LUZP2: variants seen among roughly 807,000 people sequenced by gnomAD.
LUZP2 encodes leucine zipper protein 2.
Under a neutral mutation model 51.6 loss-of-function variants are expected in LUZP2, and 52 were observed. That is an observed-to-expected ratio of 1.01 (90% CI 0.81 to 1.27). The LOEUF is 1.27. Among genes scored for constraint, LUZP2 ranks in the 50% most tolerant of loss-of-function variants. The probability of loss-of-function intolerance (pLI) is 0.00; values close to 1 mark genes in which losing one functional copy is unlikely to be tolerated. For missense variants in LUZP2, 436 were observed against 395.4 expected (o/e 1.10, Z -0.87); for synonymous variants, 154 against 137.3 (o/e 1.12, Z -0.85).
At chr11:24,923,309 G>A (rs1017847345) in intron 7 of LUZP2, among the ~76,000 whole-genome samples, 2 of 151,748 alleles carry the variant, frequency 1.3e-5, no homozygotes, top group African/African-American at 4.8e-5. Context: ...CAAAATCTTC[G>A]GTCCCCAAAC....
chr11:24,842,922 A>C (rs72872425), intron 5 of LUZP2, among the ~76,000 whole-genome samples: 5,353 of 151,990 alleles, frequency 0.035, 140 homozygotes, highest in Admixed American at 0.056. Flanking sequence ...TAGAGAAAAA[A>C]ATAAATTGTT....
intron 5 of LUZP2, among the ~76,000 whole-genome samples, chr11:24,816,553 C>A (rs1164925472): frequency 3.3e-5 from 5 of 151,836 alleles, no homozygotes; most frequent in Admixed American, 2.0e-4. Flanking sequence ...TAATATATAA[C>A]CTTGACCCAG....
chr11:25,028,088 A>G (rs910995577), intron 9 of LUZP2, among the ~76,000 whole-genome samples: 1 of 152,110 alleles, frequency 6.6e-6, no homozygotes, highest in African/African-American at 2.4e-5. Flanking sequence ...GGGTACTAGT[A>G]GGTGTGTATA....
At chr11:24,680,417 C>T (rs758124114) in intron 1 of LUZP2, among the ~76,000 whole-genome samples, 2 of 152,178 alleles carry the variant, frequency 1.3e-5, no homozygotes, top group South Asian at 2.1e-4. Flanking sequence ...TGTGCTTCCT[C>T]AGTGGGAAGG....
At chr11:24,714,239 C>A (rs1024145474) in intron 1 of LUZP2, among the ~76,000 whole-genome samples, 19 of 151,938 alleles carry the variant, frequency 1.3e-4, no homozygotes, top group African/African-American at 4.6e-4. Flanking sequence ...CAGCAAACCA[C>A]CATGGCACAC....
At chr11:24,525,671 T>G (rs2133811189) in intron 1 of LUZP2, among the ~76,000 whole-genome samples, 1 of 151,526 alleles carries the variant, frequency 6.6e-6, no homozygotes, top group African/African-American at 2.4e-5. Context: ...ACAATTAGAA[T>G]AAGATTTTCA....
At position 24,696,895 on chromosome 11, in the gene LUZP2, A is replaced by G. The variant is rs150925350; in HGVS notation, c.63-32274A>G. ...TACTGTTATCTAAAATACATGAGAG[A>G]ACTAGCTATGCATGGATGAAGAAAA... On this transcript the variant is annotated intron_variant, in intron 1 of 11. Coordinates refer to ENST00000336930, the MANE Select transcript of LUZP2 (RefSeq NM_001009909.4). Among the ~76,000 whole-genome samples, 100 of 152,224 alleles carry G rather than the reference A, an allele frequency of 6.6e-4. 2 individuals are homozygous for G. The South Asian group carries it at 0.013, about 20-fold the overall frequency.
intron 1 of LUZP2, among the ~76,000 whole-genome samples, chr11:24,522,839 T>C (rs774142551): frequency 6.6e-6 from 1 of 152,128 alleles, no homozygotes. Context: ...ATAATTACGA[T>C]TTGAAGTAGT....
At position 25,048,831 on chromosome 11, in the gene LUZP2, T is replaced by G. The variant is rs187294222; in HGVS notation, c.766-1207T>G. On this transcript the variant is annotated intron_variant, in intron 9 of 11. Transcript: ENST00000336930. ...TTTACTTTTTATTTATTTATTTAAT[T>G]AATTAATTTATTTATTTATTATTAT... Among the ~76,000 whole-genome samples the G allele has an allele frequency of 4.8e-3, 725 of 151,450 alleles. 4 individuals are homozygous for G. Among genetic ancestry groups the G allele is most frequent in the African/African-American group, 0.017 (686 of 41,440 alleles).
At chr11:24,664,880 G>C (rs373131714) in intron 1 of LUZP2, among the ~76,000 whole-genome samples, 3 of 152,292 alleles carry the variant, frequency 2.0e-5, no homozygotes, top group Non-Finnish European at 2.9e-5. Context: ...AGAACCTCTA[G>C]TAGGGCAGTG....
At chr11:24,936,508 C>G (rs1854590165) in intron 7 of LUZP2, among the ~76,000 whole-genome samples, 1 of 150,968 alleles carries the variant, frequency 6.6e-6, no homozygotes, top group African/African-American at 2.4e-5. Context: ...TTGTAAATAT[C>G]CAGTGTTTAA....
rs548129894 is a variant in LUZP2 at position 24,573,942 on chromosome 11, A to AT, written c.62+76638dup. On this transcript the variant is annotated intron_variant, in intron 1 of 11. Transcript: ENST00000336930. ...TGTGCACAACATGCAGGTTTGTTAC[A>AT]TATGTATACATGTGCCATGTTGGTG... 1.3e-4 allele frequency among the ~76,000 whole-genome samples: 19 copies of AT among 151,840 alleles called. No individual in the cohort carries two copies. The East Asian group carries it at 3.7e-3, about 29-fold the overall frequency.
intron 1 of LUZP2, among the ~76,000 whole-genome samples, chr11:24,578,062 G>C (rs1399424148): frequency 6.6e-6 from 1 of 151,922 alleles, no homozygotes; most frequent in African/African-American, 2.4e-5. Flanking sequence ...TTCATACAAT[G>C]TTTTCTTTCT....
chr11:24,959,266 AAGT>A (rs1218275738), intron 7 of LUZP2, among the ~76,000 whole-genome samples: 1 of 152,046 alleles, frequency 6.6e-6, no homozygotes, highest in African/African-American at 2.4e-5. Flanking sequence ...ATGAACTTTA[AAGT>A]AGTTTTTTCC....
intron 7 of LUZP2, among the ~76,000 whole-genome samples, chr11:24,922,626 T>G (rs894126125): frequency 4.6e-5 from 7 of 152,066 alleles, no homozygotes; most frequent in African/African-American, 7.2e-5. Context: ...AAATGAGGTG[T>G]GAGGGGTTAA....
intron 5 of LUZP2, among the ~76,000 whole-genome samples, chr11:24,825,552 C>T (rs1850499629): frequency 6.6e-6 from 1 of 151,996 alleles, no homozygotes; most frequent in African/African-American, 2.4e-5. Context: ...TAACATTAGT[C>T]AAAACTATTG....
At chr11:24,699,004 C>T (rs1028030364) in intron 1 of LUZP2, among the ~76,000 whole-genome samples, 3 of 151,682 alleles carry the variant, frequency 2.0e-5, no homozygotes, top group Non-Finnish European at 4.4e-5. Flanking sequence ...CTGCAATGAG[C>T]AGTGATTGCC....
intron 7 of LUZP2, among the ~76,000 whole-genome samples, chr11:24,960,932 T>C (rs1326145620): frequency 2.0e-5 from 3 of 152,156 alleles, no homozygotes; most frequent in African/African-American, 7.2e-5. Flanking sequence ...GTCCCAGAGA[T>C]TGTGGTATGT....
At chr11:24,755,809 CAAAT>C (rs1355701289) in intron 4 of LUZP2, among the ~76,000 whole-genome samples, 1 of 152,090 alleles carries the variant, frequency 6.6e-6, no homozygotes, top group Non-Finnish European at 1.5e-5. Flanking sequence ...CATCGCATGA[CAAAT>C]AAAGAAGGAA....
Sources: allele counts gnomAD v4.1 joint callset (sites outside exome capture counted in the v4.1 genomes callset), GRCh38; gene constraint gnomAD v4.1.1; transcripts MANE v1.5; gene names NCBI Gene and HGNC (gene_info 2026-07-23, HGNC 2026-07-21).